The following NR1I2 variants were observed in gnomAD, a reference collection of about 807,000 sequenced individuals.
NR1I2 encodes the protein orphan nuclear receptor PAR1.
NR1I2 carries 42 observed loss-of-function variants against 43.3 expected under a neutral mutation model. The ratio of observed to expected loss-of-function variants is 0.97; its 90% confidence interval spans 0.76 to 1.26. NR1I2 has a LOEUF of 1.26. Among genes scored for constraint, NR1I2 ranks in the 50% most tolerant of loss-of-function variants. The probability of loss-of-function intolerance (pLI) is 0.00; values close to 1 mark genes in which losing one functional copy is unlikely to be tolerated. For missense variants in NR1I2, 559 were observed against 566.7 expected (o/e 0.99, Z 0.14); for synonymous variants, 229 against 215.0 (o/e 1.06, Z -0.57).
intron 1 of NR1I2, among the ~76,000 whole-genome samples, chr3:119,784,381 T>G (rs774521261): frequency 1.8e-4 from 27 of 152,242 alleles, no homozygotes; most frequent in Non-Finnish European, 3.5e-4. Context: ...CCTATTCATA[T>G]CCTTAGCTTA....
chr3:119,783,716 T>C (rs2054808682), intron 1 of NR1I2, among the ~76,000 whole-genome samples: 1 of 152,218 alleles, frequency 6.6e-6, no homozygotes, highest in Admixed American at 6.5e-5. Context: ...CCTTTGGCCA[T>C]TCTGTCAATC....
chr3:119,786,001 A>G (rs552487644), intron 1 of NR1I2, among the ~76,000 whole-genome samples: 1 of 152,352 alleles, frequency 6.6e-6, no homozygotes, highest in East Asian at 1.9e-4. Flanking sequence ...ATTTTAAATC[A>G]TGAATGAATA....
chr3:119,817,862 A>G lies in NR1I2; in HGVS notation c.*650A>G. On this transcript the variant is annotated 3_prime_UTR_variant, in exon 9 of 9. Transcript: ENST00000393716. ...GTCTCTGCATCCATTTGAACACATT[A>G]TTAAGCACCGATAATAGGTAGCCTG... 2.0e-6 allele frequency: 2 copies of G among 991,524 alleles called. No homozygotes were observed. Among genetic ancestry groups the G allele is most frequent in the Non-Finnish European group, 2.4e-6 (2 of 833,174 alleles). The allele number at this position is 991,524 out of a possible 1,614,324, so 61.4% of individuals were successfully genotyped here. A position where few individuals can be genotyped will look rare whatever the true frequency, so the allele number is the denominator to read the frequency against.
chr3:119,814,400 G>A (rs1351498109), intron 5 of NR1I2, among the ~76,000 whole-genome samples: 1 of 152,170 alleles, frequency 6.6e-6, no homozygotes, highest in Non-Finnish European at 1.5e-5. Context: ...TCAGGCATCT[G>A]GGCTGCAGGG....
chr3:119,795,501 A>G (rs966887137), intron 1 of NR1I2, among the ~76,000 whole-genome samples: 8 of 151,660 alleles, frequency 5.3e-5, no homozygotes, highest in Non-Finnish European at 1.2e-4. Context: ...CTTTTCTCCT[A>G]TTCTCTTAAG....
chr3:119,792,516 C>T (rs1278800813), intron 1 of NR1I2: 29 of 1,065,884 alleles, frequency 2.7e-5, no homozygotes, highest in East Asian at 1.0e-4. Flanking sequence ...ACCAATCTGC[C>T]GGCAGGGCAG....
At chr3:119,791,499 C>A (rs1176088050) in intron 1 of NR1I2, among the ~76,000 whole-genome samples, 2 of 152,124 alleles carry the variant, frequency 1.3e-5, no homozygotes, top group South Asian at 2.1e-4. Context: ...GGAAGTAATA[C>A]CATTTTCTAT....
intron 1 of NR1I2, 63 bp downstream of exon 1, chr3:119,782,363 A>C (rs1180756700): frequency 1.1e-5 from 2 of 183,256 alleles, no homozygotes; most frequent in Non-Finnish European, 2.3e-5. Context: ...CAGCCAAAAG[A>C]TGTGTGTGAA....
chr3:119,810,179 G>C lies in NR1I2; in HGVS notation c.316G>C (p.Gly106Arg), dbSNP rs569524145. Residue 106 changes from glycine (G) to arginine (R), a missense_variant, in exon 3 of 9, where the codon GGC (glycine) becomes CGC (arginine). Physicochemically the swap from Gly to Arg is moderately radical, Grantham distance 125. This residue lies in a region of NR1I2 where 232 missense variants were observed against 236.6 expected (regional missense o/e 0.98). Coordinates refer to ENST00000393716, the MANE Select transcript of NR1I2 (RefSeq NM_003889.4). ...CCGCCTGCGCAAGTGCCTGGAGAGC[G>C]GCATGAAGAAGGAGAGTGAGCAGTG... The C allele has an allele frequency of 1.7e-5, 27 of 1,609,288 alleles. No homozygotes were observed. The South Asian group carries it at 2.4e-4, about 14-fold the overall frequency.
chr3:119,817,610 C>T lies in NR1I2; in HGVS notation c.*398C>T. 8.7e-7 allele frequency: 1 copy of T among 1,152,028 alleles called. No individual in the cohort carries two copies. Among genetic ancestry groups the T allele is most frequent in the Non-Finnish European group, 1.1e-6 (1 of 924,194 alleles). The allele number at this position is 1,152,028 out of a possible 1,614,324, so 71.4% of individuals were successfully genotyped here. A position where few individuals can be genotyped will look rare whatever the true frequency, so the allele number is the denominator to read the frequency against. Reference sequence around the variant, plus strand: ...CCATCTGGGGTCTATGCCCACATACCCACGTTTGTTCGCTTCCTGAGTCTT... The same window carrying T: ...CCATCTGGGGTCTATGCCCACATACTCACGTTTGTTCGCTTCCTGAGTCTT... On this transcript the variant is annotated 3_prime_UTR_variant, in exon 9 of 9. Coordinates refer to ENST00000393716, the MANE Select transcript of NR1I2 (RefSeq NM_003889.4).
intron 3 of NR1I2, 65 bp from the exon 4 acceptor site, chr3:119,811,474 C>G (rs1231694548): frequency 1.3e-6 from 2 of 1,486,516 alleles, no homozygotes; most frequent in East Asian, 2.4e-5. Context: ...TACACAGTGG[C>G]TCTCCAGGGG....
chr3:119,790,276 G>A (rs2054901163), intron 1 of NR1I2, among the ~76,000 whole-genome samples: 1 of 151,990 alleles, frequency 6.6e-6, no homozygotes, highest in Admixed American at 6.6e-5. Context: ...TTCTATTGTA[G>A]TATGTCCCAT....
chr3:119,815,001 A>C lies in NR1I2; in HGVS notation c.817A>C (p.Ile273Leu). The change falls in exon 6 of 9, where the codon ATC (isoleucine) becomes CTC (leucine). Residue 273 changes from isoleucine to leucine, a missense_variant. This residue lies in a region of NR1I2 where 323 missense variants were observed against 312.2 expected (regional missense o/e 1.03). Transcript: ENST00000393716. Reference sequence around the variant, plus strand: ...CAGGGACTTGCCCATCGAGGACCAGATCTCCCTGCTGAAGGGGGCCGCTTT... The same window carrying C: ...CAGGGACTTGCCCATCGAGGACCAGCTCTCCCTGCTGAAGGGGGCCGCTTT... The C allele has an allele frequency of 6.2e-7, 1 of 1,614,074 alleles. No homozygotes were observed. The highest frequency in any genetic ancestry group is 8.5e-7 in the Non-Finnish European group (1 of 1,180,004).
At chr3:119,787,536 TGAAC>T (rs1559782081) in intron 1 of NR1I2, among the ~76,000 whole-genome samples, 1 of 152,180 alleles carries the variant, frequency 6.6e-6, no homozygotes. Context: ...CTCCCTTCAC[TGAAC>T]AACGTCAATG....
intron 1 of NR1I2, among the ~76,000 whole-genome samples, chr3:119,797,420 A>C (rs2055016797): frequency 6.6e-6 from 1 of 152,062 alleles, no homozygotes; most frequent in African/African-American, 2.4e-5. Flanking sequence ...CTCCTTCTTC[A>C]AGCTGTTTAG....
chr3:119,809,176 G>A (rs1046610267), intron 2 of NR1I2, among the ~76,000 whole-genome samples: 1 of 152,208 alleles, frequency 6.6e-6, no homozygotes, highest in Admixed American at 6.5e-5. Flanking sequence ...CCAGAGCCAA[G>A]GGAGAGATTG....
Position 119,817,348 on chromosome 3 carries a change from G to A in NR1I2, c.*136G>A. 6.5e-7 allele frequency: 1 copy of A among 1,548,184 alleles called. No individual in the cohort carries two copies. The highest frequency in any genetic ancestry group is 8.7e-7 in the Non-Finnish European group (1 of 1,151,858). On this transcript the variant is annotated 3_prime_UTR_variant, in exon 9 of 9. Transcript: ENST00000393716. ...TGGCCTGTCTCCCTAGGGAATTCCTGCTATGACAGCTGGCTAGCATTCCTC... is the reference window on the plus strand; with the variant it reads ...TGGCCTGTCTCCCTAGGGAATTCCTACTATGACAGCTGGCTAGCATTCCTC...
intron 1 of NR1I2, among the ~76,000 whole-genome samples, chr3:119,787,794 T>A (rs191639633): frequency 5.1e-4 from 78 of 151,696 alleles, no homozygotes; most frequent in African/African-American, 1.9e-3. Flanking sequence ...TATACACACA[T>A]AATTAAATAT....
chr3:119,804,167 C>G (rs62264683), intron 1 of NR1I2, among the ~76,000 whole-genome samples: 97,947 of 150,600 alleles, frequency 0.65, 32,463 homozygotes, highest in East Asian at 0.92. Flanking sequence ...GTCAGGAGAT[C>G]GAGACCATCC....
Sources: allele counts gnomAD v4.1 joint callset (sites outside exome capture counted in the v4.1 genomes callset), GRCh38; gene constraint gnomAD v4.1.1; regional missense constraint gnomAD v4.1.1; transcripts MANE v1.5; gene names NCBI Gene and HGNC (gene_info 2026-07-23, HGNC 2026-07-21).